Variants in CDH13 observed in about 807,000 individuals in gnomAD.
CDH13 encodes the protein cadherin-13.
In CDH13, 24 loss-of-function variants were observed where a neutral mutation model predicts 63.8. The ratio of observed to expected loss-of-function variants is 0.38; its 90% CI spans 0.27 to 0.53. The LOEUF is 0.53. Ranked by LOEUF, CDH13 falls within the 20% of genes least tolerant of loss-of-function variation. CDH13 has a pLI of 0.85. For synonymous variants in CDH13, 503 were observed against 355.3 expected, an observed-to-expected ratio of 1.42 and a Z score of -4.67; for missense variants, 1,049 against 903.1, an observed-to-expected ratio of 1.16 and a Z score of -2.07.
chr16:82,957,125 G>A (rs1000805918), intron 2 of CDH13, among the ~76,000 whole-genome samples: 5 of 152,148 alleles, frequency 3.3e-5, no homozygotes, highest in African/African-American at 1.2e-4. Flanking sequence ...TTCTATCCCA[G>A]TCAGTGGGAA....
chr16:83,590,831 C>G (rs979645747), intron 7 of CDH13, among the ~76,000 whole-genome samples: 1 of 151,880 alleles, frequency 6.6e-6, no homozygotes, highest in African/African-American at 2.4e-5. Context: ...TTGGCCCTGC[C>G]CTGAACCTTC....
At chr16:83,211,080 A>C (rs1237692729) in intron 4 of CDH13, among the ~76,000 whole-genome samples, 1 of 151,524 alleles carries the variant, frequency 6.6e-6, no homozygotes, top group African/African-American at 2.4e-5. Flanking sequence ...ACCAGGAGGC[A>C]GAGGTTGCAG....
intron 7 of CDH13, among the ~76,000 whole-genome samples, chr16:83,596,267 A>G (rs1024077980): frequency 6.6e-6 from 1 of 152,226 alleles, no homozygotes; most frequent in Non-Finnish European, 1.5e-5. Flanking sequence ...AGAGAGAAGC[A>G]CAAGGGTGGT....
intron 3 of CDH13, among the ~76,000 whole-genome samples, chr16:83,054,434 G>A (rs1161595271): frequency 6.6e-6 from 1 of 152,138 alleles, no homozygotes; most frequent in East Asian, 1.9e-4. Flanking sequence ...CTCAGCAGTT[G>A]ACATAACTAC....
intron 4 of CDH13, among the ~76,000 whole-genome samples, chr16:83,216,848 T>C (rs1174052612): frequency 6.6e-6 from 1 of 151,702 alleles, no homozygotes; most frequent in Non-Finnish European, 1.5e-5. Flanking sequence ...AAACCTTTTC[T>C]GATGAGACAA....
intron 4 of CDH13, among the ~76,000 whole-genome samples, chr16:83,174,550 C>G (rs2038049024): frequency 6.6e-6 from 1 of 151,968 alleles, no homozygotes; most frequent in Admixed American, 6.6e-5. Flanking sequence ...TGTAGAAGCT[C>G]AATTCAGGTT....
At chr16:83,115,371 T>A (rs778124124) in intron 3 of CDH13, among the ~76,000 whole-genome samples, 32 of 152,232 alleles carry the variant, frequency 2.1e-4, no homozygotes, top group Non-Finnish European at 3.8e-4. Flanking sequence ...ATGGCAGTAT[T>A]TTCTATGGCA....
intron 1 of CDH13, among the ~76,000 whole-genome samples, chr16:82,834,796 G>C (rs1372312408): frequency 1.3e-5 from 2 of 152,214 alleles, no homozygotes; most frequent in African/African-American, 4.8e-5. Flanking sequence ...TCTGATCTGA[G>C]GGCCAAATCC....
At chr16:83,402,076 A>C (rs915447455) in intron 6 of CDH13, among the ~76,000 whole-genome samples, 1 of 152,150 alleles carries the variant, frequency 6.6e-6, no homozygotes, top group Non-Finnish European at 1.5e-5. Context: ...TGTAGAGTAC[A>C]TAGGTGTTAG....
intron 2 of CDH13, among the ~76,000 whole-genome samples, chr16:82,944,577 A>G (rs765446637): frequency 4.6e-5 from 7 of 152,156 alleles, no homozygotes; most frequent in Non-Finnish European, 8.8e-5. Flanking sequence ...ACTAGCATCT[A>G]GTGGGTGAAG....
At chr16:83,285,965 A>G (rs1287248399) in intron 5 of CDH13, among the ~76,000 whole-genome samples, 1 of 152,192 alleles carries the variant, frequency 6.6e-6, no homozygotes, top group African/African-American at 2.4e-5. Flanking sequence ...GTTCCTGCCC[A>G]TGTCCTGCCC....
At chr16:83,052,056 A>G (rs1377504115) in intron 3 of CDH13, among the ~76,000 whole-genome samples, 2 of 152,214 alleles carry the variant, frequency 1.3e-5, no homozygotes, top group African/African-American at 4.8e-5. Flanking sequence ...AGCATGAATA[A>G]TTGATAGAGA....
At chr16:83,217,519 C>T (rs192319476) in intron 5 of CDH13, 22 bp downstream of exon 5, 3 of 1,604,842 alleles carry the variant, frequency 1.9e-6, no homozygotes, top group East Asian at 4.5e-5. Context: ...TCTCCCATGC[C>T]CACCCTGTGC....
intron 7 of CDH13, among the ~76,000 whole-genome samples, chr16:83,590,509 G>A (rs1906631725): frequency 6.6e-6 from 1 of 152,194 alleles, no homozygotes; most frequent in South Asian, 2.1e-4. Flanking sequence ...GGATAAGGGA[G>A]AGCATCTAGT....
At position 82,644,118 on chromosome 16, in the gene CDH13, C is replaced by G. The variant is rs534866377; in HGVS notation, c.45+16981C>G. On this transcript the variant is annotated intron_variant, in intron 1 of 13. Coordinates refer to ENST00000567109, the MANE Select transcript of CDH13 (RefSeq NM_001257.5). This position sits in a 1 kb window ranked among gnomAD's most constrained non-coding sequence, Gnocchi z 5.7. ...GAAATCTAATTGATATGCTAATTGT[C>G]ATTGTACTCAAGTTGATAGCAGATT... is the stretch of plus-strand genomic sequence containing the variant. Among the ~76,000 whole-genome samples the G allele has an allele frequency of 3.8e-4, 58 of 152,194 alleles. No homozygotes were observed. The highest frequency in any genetic ancestry group is 1.3e-3 in the African/African-American group (55 of 41,524).
In CDH13 at chr16:82,636,946, C is replaced by A. The variant is rs373441511; in HGVS notation, c.45+9809C>A. Among the ~76,000 whole-genome samples the A allele has an allele frequency of 1.4e-4, 22 of 152,284 alleles. No homozygotes were observed. The East Asian group carries it at 2.7e-3, about 19-fold the overall frequency. Reference sequence around the variant, plus strand: ...GGACCTGGATCCTGTTTCTAGCTCACCCCCTCACTCGTGGTATGACCTTCA... The same window carrying A: ...GGACCTGGATCCTGTTTCTAGCTCAACCCCTCACTCGTGGTATGACCTTCA... On this transcript the variant is annotated intron_variant, in intron 1 of 13. Transcript: ENST00000567109.
At chr16:83,174,292 T>C (rs371874028) in intron 4 of CDH13, among the ~76,000 whole-genome samples, 2 of 152,118 alleles carry the variant, frequency 1.3e-5, no homozygotes, top group Admixed American at 6.6e-5. Flanking sequence ...TAATGCTGCA[T>C]ATAATAACAC....
intron 3 of CDH13, among the ~76,000 whole-genome samples, chr16:83,042,930 G>A (rs1917452630): frequency 6.6e-6 from 1 of 152,206 alleles, no homozygotes; most frequent in Admixed American, 6.5e-5. Flanking sequence ...TTTAACAAGT[G>A]TGATAACTTC....
At chr16:83,097,067 C>G (rs2034242346) in intron 3 of CDH13, among the ~76,000 whole-genome samples, 1 of 152,184 alleles carries the variant, frequency 6.6e-6, no homozygotes, top group South Asian at 2.1e-4. Context: ...TGTCACTTTT[C>G]TCTGTGTACT....
Sources: gnomAD v4.1 joint callset for allele counts (sites outside exome capture counted in the v4.1 genomes callset) on GRCh38, gnomAD v4.1.1 for gene constraint, Gnocchi (gnomAD v3.1) non-coding constraint, MANE v1.5 for transcripts, NCBI Gene and HGNC (gene_info 2026-07-23, HGNC 2026-07-21) for gene names.